SEMA6D: variants seen among roughly 807,000 people sequenced by gnomAD.
The protein encoded by SEMA6D is semaphorin-6D.
Under a neutral mutation model 106.6 loss-of-function variants are expected in SEMA6D, and 35 were observed. The observed-to-expected ratio is 0.33, with a 90% confidence interval of 0.25 to 0.44. The LOEUF (loss-of-function observed/expected upper bound fraction) is 0.44, where lower values mean the gene tolerates loss of function less well. Ranked by LOEUF, SEMA6D falls within the 20% of genes least tolerant of loss-of-function variation. The pLI is 1.00. For synonymous variants in SEMA6D, 499 were observed against 487.7 expected, an observed-to-expected ratio of 1.02 and a Z score of -0.31; for missense variants, 1,185 against 1,345.9, an observed-to-expected ratio of 0.88 and a Z score of 1.87.
chr15:47,491,714 C>T (rs1057147180), intron 3 of SEMA6D, among the ~76,000 whole-genome samples: 2 of 152,106 alleles, frequency 1.3e-5, no homozygotes, highest in Non-Finnish European at 2.9e-5. Context: ...AAGACTAAGA[C>T]TGATCTAATT....
chr15:47,703,512 G>GA (rs931283724), intron 4 of SEMA6D, among the ~76,000 whole-genome samples: 57 of 150,256 alleles, frequency 3.8e-4, no homozygotes, highest in South Asian at 4.2e-4. Context: ...TATTCCTGTG[G>GA]AAAAAAAAAT....
intron 3 of SEMA6D, among the ~76,000 whole-genome samples, chr15:47,481,048 T>A (rs1469637358): frequency 6.6e-6 from 1 of 152,116 alleles, no homozygotes; most frequent in East Asian, 1.9e-4. Context: ...ATTAAAAGCA[T>A]CCCCCAAGGA....
At chr15:47,252,184 T>C (rs1443009198) in intron 1 of SEMA6D, among the ~76,000 whole-genome samples, 2 of 145,610 alleles carry the variant, frequency 1.4e-5, no homozygotes, top group African/African-American at 5.2e-5. Flanking sequence ...CCCAAAGTGC[T>C]GGGATTACAG....
chr15:47,611,092 C>A (rs2076891130), intron 4 of SEMA6D, among the ~76,000 whole-genome samples: 2 of 151,970 alleles, frequency 1.3e-5, no homozygotes, highest in South Asian at 4.2e-4. Context: ...ACAGCAAAGG[C>A]ACCTGAGTCA....
intron 3 of SEMA6D, among the ~76,000 whole-genome samples, chr15:47,516,840 G>A (rs1596214704): frequency 6.6e-6 from 1 of 152,146 alleles, no homozygotes; most frequent in East Asian, 1.9e-4. Context: ...TGTCCCCAGG[G>A]TGTCGAGGAG....
chr15:47,661,055 A>T (rs894085703), intron 4 of SEMA6D, among the ~76,000 whole-genome samples: 5 of 152,212 alleles, frequency 3.3e-5, no homozygotes, highest in Non-Finnish European at 7.3e-5. Context: ...ACTAAAGGAA[A>T]AGTGGACCTT....
chr15:47,521,643 T>A (rs1331629793), intron 3 of SEMA6D, among the ~76,000 whole-genome samples: 1 of 152,216 alleles, frequency 6.6e-6, no homozygotes, highest in African/African-American at 2.4e-5. Context: ...AATAATACAT[T>A]GTTGTGGATT....
At chr15:47,527,338 G>A (rs932842958) in intron 3 of SEMA6D, among the ~76,000 whole-genome samples, 4 of 152,134 alleles carry the variant, frequency 2.6e-5, no homozygotes, top group Non-Finnish European at 5.9e-5. Context: ...TGAGTATCTT[G>A]GGTGCATATT....
rs560296354 is a variant in SEMA6D at position 47,590,337 on chromosome 15, A to C, written c.-86-10528A>C. Among the ~76,000 whole-genome samples the C allele has an allele frequency of 1.1e-4, 16 of 147,054 alleles. No homozygotes were observed. The South Asian group carries it at 3.4e-3, about 32-fold the overall frequency. On this transcript the variant is annotated intron_variant, in intron 3 of 19. Coordinates refer to the SEMA6D transcript ENST00000558014. The stretch of plus-strand genomic sequence containing the variant: ...TAGGTGGGAATTGAGCAATGAGAAC[A>C]CTTAGACACAGGGCGGGGAACATCA...
At chr15:47,660,527 A>G (rs1235768751) in intron 4 of SEMA6D, among the ~76,000 whole-genome samples, 1 of 152,186 alleles carries the variant, frequency 6.6e-6, no homozygotes, top group Admixed American at 6.5e-5. Flanking sequence ...AAAGGCTTGT[A>G]TGGGATCTAT....
At chr15:47,340,357 A>C (rs2037763997) in intron 1 of SEMA6D, among the ~76,000 whole-genome samples, 1 of 152,144 alleles carries the variant, frequency 6.6e-6, no homozygotes, top group African/African-American at 2.4e-5. Context: ...TAAAAAAAAA[A>C]AAAGTGTCAA....
At chr15:47,382,827 G>A (rs991702731) in intron 1 of SEMA6D, among the ~76,000 whole-genome samples, 1 of 152,198 alleles carries the variant, frequency 6.6e-6, no homozygotes, top group African/African-American at 2.4e-5. Flanking sequence ...AAGTGCAGTG[G>A]CATGATCTTG....
chr15:47,478,126 G>T (rs2043050301), intron 3 of SEMA6D, among the ~76,000 whole-genome samples: 1 of 151,914 alleles, frequency 6.6e-6, no homozygotes, highest in Non-Finnish European at 1.5e-5. Context: ...GCATATATAT[G>T]TAACCACTAT....
intron 3 of SEMA6D, among the ~76,000 whole-genome samples, chr15:47,543,271 C>A (rs555295356): frequency 2.3e-4 from 35 of 152,046 alleles, no homozygotes; most frequent in Non-Finnish European, 4.1e-4. Context: ...AAGCTCACCT[C>A]GAATTGTAAT....
chr15:47,483,601 T>G (rs1376816162), intron 3 of SEMA6D, among the ~76,000 whole-genome samples: 1 of 152,142 alleles, frequency 6.6e-6, no homozygotes. Context: ...AGGATGTGAT[T>G]TTTAACTCAG....
chr15:47,496,612 G>A (rs1369645), intron 3 of SEMA6D, among the ~76,000 whole-genome samples: 58,058 of 151,772 alleles, frequency 0.38, 12,264 homozygotes, highest in African/African-American at 0.57. Context: ...TCTGATAACA[G>A]CGTCACCTAA....
At chr15:47,227,419 CTCTTTCTT>C (rs10652948) in intron 1 of SEMA6D, among the ~76,000 whole-genome samples, 4 of 115,330 alleles carry the variant, frequency 3.5e-5, no homozygotes, top group African/African-American at 1.6e-4. Context: ...TTCTTTCTTT[CTCTTTCTT>C]TCTTTCTTTC....
intron 8 of SEMA6D, among the ~76,000 whole-genome samples, chr15:47,762,568 T>A (rs928391158): frequency 6.6e-6 from 1 of 152,094 alleles, no homozygotes; most frequent in African/African-American, 2.4e-5. Context: ...ATTTCATCTC[T>A]GTGTGTGCCA....
At chr15:47,725,033 A>G (rs1596789770) in intron 1 of SEMA6D, among the ~76,000 whole-genome samples, 1 of 152,316 alleles carries the variant, frequency 6.6e-6, no homozygotes. Context: ...CTTTTTTCTT[A>G]AACTTGAAAA....
Sources: allele counts gnomAD v4.1 joint callset (sites outside exome capture counted in the v4.1 genomes callset), GRCh38; gene constraint gnomAD v4.1.1; transcripts MANE v1.5; gene names NCBI Gene and HGNC (gene_info 2026-07-23, HGNC 2026-07-21).